The following CEP162 variants were observed in gnomAD, a reference collection of about 807,000 sequenced individuals.
CEP162 encodes the protein centrosomal protein of 162 kDa.
A neutral mutation model predicts 169.2 loss-of-function variants in CEP162; 141 were observed. The observed-to-expected ratio is 0.83, with a 90% CI of 0.73 to 0.96. The LOEUF is 0.96. Among genes scored for constraint, CEP162 ranks in the 40% least tolerant of loss-of-function variants. The probability of loss-of-function intolerance (pLI) is 0.00; values close to 1 mark genes in which losing one functional copy is unlikely to be tolerated. For missense variants in CEP162, 1,600 were observed against 1,587.2 expected, an observed-to-expected ratio of 1.01 and a Z score of -0.14; for synonymous variants, 540 against 526.4, an observed-to-expected ratio of 1.03 and a Z score of -0.35.
chr6:84,126,596 A>C, intron 25 of CEP162, 84 bp from the exon 26 acceptor site: 1 of 1,039,070 alleles, frequency 9.6e-7, no homozygotes, highest in South Asian at 1.9e-5. Context: ...ATTTGTATAA[A>C]ATTTCTCTAT....
Position 84,156,541 on chromosome 6 carries a change from G to C in CEP162, c.2782-1031C>G, listed in dbSNP as rs1475006720. 5.7e-4 allele frequency among the ~76,000 whole-genome samples: 87 copies of C among 152,066 alleles called. 1 individual carries two copies. The highest frequency in any genetic ancestry group is 5.6e-3 in the Admixed American group (85 of 15,256). On this transcript the variant is annotated intron_variant, in intron 21 of 26. Transcript: ENST00000403245. Reference sequence around the variant, plus strand: ...GGTACCATCTTACTCCAGTCATAAGGGTTATTATTAGAAAGTTAATAAACA... The same window carrying C: ...GGTACCATCTTACTCCAGTCATAAGCGTTATTATTAGAAAGTTAATAAACA...
chr6:84,180,399 G>C (rs1376039404), intron 13 of CEP162, among the ~76,000 whole-genome samples: 2 of 152,040 alleles, frequency 1.3e-5, no homozygotes, highest in African/African-American at 2.4e-5. Context: ...TACTGAATGG[G>C]CAAAAACTAG....
chr6:84,207,204 G>C lies in CEP162; in HGVS notation c.572-3108C>G, dbSNP rs555376215. Among the ~76,000 whole-genome samples, 74 of 152,118 alleles carry C rather than the reference G, an allele frequency of 4.9e-4. 2 individuals carry two copies. Among genetic ancestry groups the C allele is most frequent in the Non-Finnish European group, 5.4e-4 (37 of 68,018 alleles). On this transcript the variant is annotated intron_variant, in intron 6 of 26. Transcript: ENST00000403245. Reference sequence around the variant, plus strand: ...AACTAGAAATACCATTTGACCCAGCGATCCCATTACTGGGTATATACCCAA... The same window carrying C: ...AACTAGAAATACCATTTGACCCAGCCATCCCATTACTGGGTATATACCCAA...
chr6:84,190,506 G>A (rs1333346804), intron 11 of CEP162, among the ~76,000 whole-genome samples: 1 of 152,128 alleles, frequency 6.6e-6, no homozygotes, highest in Non-Finnish European at 1.5e-5. Context: ...TTTATGAGCT[G>A]TAACACTCAC....
chr6:84,221,296 T>G (rs1007382932), intron 2 of CEP162, 125 bp from the exon 3 acceptor site: 1 of 508,642 alleles, frequency 2.0e-6, no homozygotes, highest in African/African-American at 2.0e-5. Context: ...AATAACATTC[T>G]CATCAATAAC....
At chr6:84,170,890 G>A (rs976737944) in intron 17 of CEP162, among the ~76,000 whole-genome samples, 1 of 152,128 alleles carries the variant, frequency 6.6e-6, no homozygotes, top group African/African-American at 2.4e-5. Context: ...GATAAATGCT[G>A]GCTGAAAACA....
rs140403863 is a variant in CEP162 at position 84,126,408 on chromosome 6, T to A, written c.3975A>T (p.Arg1325Ser). The A allele has an allele frequency of 3.7e-5, 59 of 1,603,896 alleles. No individual in the cohort carries two copies. The African/African-American group carries it at 6.7e-4, about 18-fold the overall frequency. ...GAAGTTCCTGTTCTCTTTGTGCATGTCTCATTTCCATCTGCTTAATTTTCT... is the reference window on the plus strand; with the variant it reads ...GAAGTTCCTGTTCTCTTTGTGCATGACTCATTTCCATCTGCTTAATTTTCT... ...LEKKIKQMEM[R>S]HAQREQELQQ... The change falls in exon 26 of 27, where the codon AGA (arginine) becomes AGT (serine). Residue 1325 changes from arginine (R) to serine (S), a missense_variant. Arg to Ser is a moderately radical substitution (Grantham distance 110, BLOSUM62 -1). Coordinates refer to ENST00000403245, the MANE Select transcript of CEP162 (RefSeq NM_014895.4).
chr6:84,168,113 AAAAC>A (rs2129214491), intron 18 of CEP162, among the ~76,000 whole-genome samples: 1 of 152,292 alleles, frequency 6.6e-6, no homozygotes, highest in African/African-American at 2.4e-5. Context: ...AAATATGTTC[AAAAC>A]AGGACTTTTA....
intron 18 of CEP162, among the ~76,000 whole-genome samples, chr6:84,166,518 T>C (rs184648816): frequency 6.6e-6 from 1 of 152,332 alleles, no homozygotes; most frequent in East Asian, 1.9e-4. Flanking sequence ...GTTGGTCTTC[T>C]TCACTAGAAC....
chr6:84,188,103 CAAAAA>C (rs200434055), intron 11 of CEP162, among the ~76,000 whole-genome samples: 1 of 80,586 alleles, frequency 1.2e-5, no homozygotes, highest in Non-Finnish European at 2.7e-5. Context: ...GACTCCGTCT[CAAAAA>C]AAAAAAAAAA....
In CEP162 at chr6:84,174,097, AT is replaced by A. The variant is rs1297646948; in HGVS notation, c.2116del (p.Ile706SerfsTer26). The A allele has an allele frequency of 6.2e-7, 1 of 1,611,980 alleles. No homozygotes were observed. Among genetic ancestry groups the A allele is most frequent in the African/African-American group, 1.3e-5 (1 of 74,852 alleles). ...DPVTGEKLKQ[I>X]QKEIQEQETL... ...CTCTTGTTCTTGTATTTCTTTTTGG[AT>A]TTGCTTCAACTTTTCTCCAGTGACA... On this transcript the variant is annotated frameshift_variant, in exon 16 of 27. Transcript: ENST00000403245. LOFTEE classifies it high-confidence loss of function.
At chr6:84,142,582 G>A (rs1486479526) in intron 25 of CEP162, among the ~76,000 whole-genome samples, 3 of 152,150 alleles carry the variant, frequency 2.0e-5, no homozygotes, top group Admixed American at 2.0e-4. Flanking sequence ...TCAAGTTCAT[G>A]TGTCTCAGGT....
chr6:84,170,993 G>A (rs2099529892), intron 17 of CEP162, among the ~76,000 whole-genome samples: 1 of 152,110 alleles, frequency 6.6e-6, no homozygotes, highest in South Asian at 2.1e-4. Flanking sequence ...AGTGACTAAG[G>A]CTGCCCCCTT....
At chr6:84,137,095 G>C (rs887574132) in intron 25 of CEP162, among the ~76,000 whole-genome samples, 14 of 152,186 alleles carry the variant, frequency 9.2e-5, no homozygotes, top group South Asian at 2.1e-4. Context: ...GGGAATAAGA[G>C]TCATACCTGG....
chr6:84,174,333 A>C, intron 15 of CEP162, 145 bp from the exon 16 acceptor site: 1 of 725,830 alleles, frequency 1.4e-6, no homozygotes, highest in South Asian at 2.0e-5. Context: ...TAGTTAAATC[A>C]GCAAAGTGCT....
chr6:84,195,195 G>C (rs758339349), intron 9 of CEP162, 120 bp from the exon 10 acceptor site: 11 of 810,734 alleles, frequency 1.4e-5, no homozygotes, highest in Non-Finnish European at 1.9e-5. Flanking sequence ...TACTAACTAG[G>C]TAATTTGCAG....
At chr6:84,145,287 T>C (rs999506018) in intron 25 of CEP162, among the ~76,000 whole-genome samples, 13 of 152,096 alleles carry the variant, frequency 8.5e-5, no homozygotes, top group African/African-American at 2.9e-4. Flanking sequence ...TTGGCATGCG[T>C]TTCTAGCCTG....
Position 84,194,902 on chromosome 6 carries a change from T to C in CEP162, c.1009A>G (p.Ile337Val), listed in dbSNP as rs1050669484. Residue 337 changes from isoleucine (I) to valine (V), a missense_variant, in exon 10 of 27, where the codon ATC becomes GTC. Transcript: ENST00000403245. ...TTTTTACCAGATTCCATAGTAGAGATGTTTTTTGAATTCTCTTCATTTTCT... is the reference window on the plus strand; with the variant it reads ...TTTTTACCAGATTCCATAGTAGAGACGTTTTTTGAATTCTCTTCATTTTCT... ...PQENEENSKN[I>V]STMESDLPTV... 6.2e-6 allele frequency: 10 copies of C among 1,609,726 alleles called. No individual in the cohort carries two copies. The highest frequency in any genetic ancestry group is 8.5e-6 in the Non-Finnish European group (10 of 1,177,550).
Position 84,157,666 on chromosome 6 carries a change from C to CA in CEP162, c.2782-2157dup, listed in dbSNP as rs201652492. Among the ~76,000 whole-genome samples, 980 of 146,168 alleles carry CA rather than the reference C, an allele frequency of 6.7e-3. 5 individuals carry two copies. The highest frequency in any genetic ancestry group is 0.023 in the African/African-American group (921 of 39,936). On this transcript the variant is annotated intron_variant, in intron 21 of 26. Coordinates refer to ENST00000403245, the MANE Select transcript of CEP162 (RefSeq NM_014895.4). ...TGAGTGACAGGGTGAGACAACGTCT[C>CA]AAAAAAAAAAGAAATATGTCTTCAG...
Sources: gnomAD v4.1 joint callset for allele counts (sites outside exome capture counted in the v4.1 genomes callset) on GRCh38, gnomAD v4.1.1 for gene constraint, MANE v1.5 for transcripts, NCBI Gene and HGNC (gene_info 2026-07-23, HGNC 2026-07-21) for gene names.